Variants in SGCD observed in about 807,000 individuals in gnomAD.
The protein encoded by SGCD is sarcoglycan delta, also known as delta-sarcoglycan.
In SGCD, 18 loss-of-function variants were observed where a neutral mutation model predicts 36.6. That is an observed-to-expected ratio of 0.49 (90% CI 0.34 to 0.73). SGCD has a LOEUF of 0.73. SGCD is among the 30% of genes least tolerant of loss of function. The pLI is 0.01. For missense variants in SGCD, 387 were observed against 346.7 expected, an observed-to-expected ratio of 1.12 and a Z score of -0.92; for synonymous variants, 133 against 130.6, an observed-to-expected ratio of 1.02 and a Z score of -0.12.
At chr5:156,115,097 A>G (rs531634947) in intron 1 of SGCD, among the ~76,000 whole-genome samples, 5 of 152,256 alleles carry the variant, frequency 3.3e-5, no homozygotes, top group Admixed American at 2.6e-4. Flanking sequence ...TGTTTAAACA[A>G]TAAAATATTT....
intron 5 of SGCD, among the ~76,000 whole-genome samples, chr5:156,593,475 A>G (rs1422835538): frequency 3.3e-5 from 5 of 152,048 alleles, no homozygotes; most frequent in African/African-American, 1.2e-4. Flanking sequence ...AAGACCAAAC[A>G]TCCCCCTATC....
intron 1 of SGCD, among the ~76,000 whole-genome samples, chr5:156,022,607 A>T (rs985747347): frequency 3.9e-5 from 6 of 152,182 alleles, no homozygotes; most frequent in African/African-American, 1.2e-4. Context: ...CCAATAATGG[A>T]TATAAATTGG....
At chr5:156,363,618 T>G (rs1167974088) in intron 3 of SGCD, among the ~76,000 whole-genome samples, 1 of 152,226 alleles carries the variant, frequency 6.6e-6, no homozygotes, top group Non-Finnish European at 1.5e-5. Flanking sequence ...ATAACATTAC[T>G]GTAAACTGAG....
At chr5:156,267,096 C>T (rs1273437079) in intron 3 of SGCD, among the ~76,000 whole-genome samples, 1 of 152,174 alleles carries the variant, frequency 6.6e-6, no homozygotes, top group Non-Finnish European at 1.5e-5. Context: ...CTCTCTCAGA[C>T]TCCACTTCCT....
At chr5:156,716,479 G>T (rs964880394) in intron 7 of SGCD, among the ~76,000 whole-genome samples, 2 of 152,206 alleles carry the variant, frequency 1.3e-5, no homozygotes, top group African/African-American at 4.8e-5. Context: ...AGCTGTCTTA[G>T]CTCTGCCTCT....
chr5:156,285,250 A>G (rs1318098106), intron 3 of SGCD, among the ~76,000 whole-genome samples: 1 of 152,214 alleles, frequency 6.6e-6, no homozygotes, highest in East Asian at 1.9e-4. Context: ...CATACTGCCC[A>G]AGGGAATTTA....
rs552579564 is a variant in SGCD at position 156,613,360 on chromosome 5, A to T, written c.502+18309A>T. Among the ~76,000 whole-genome samples the T allele has an allele frequency of 2.6e-5, 4 of 152,374 alleles. No homozygotes were observed. In the South Asian group the frequency reaches 8.3e-4, roughly 32 times the overall value. On this transcript the variant is annotated intron_variant, in intron 6 of 8. Coordinates refer to ENST00000337851, the MANE Select transcript of SGCD (RefSeq NM_000337.6). The stretch of plus-strand genomic sequence containing the variant: ...TTAGAACTTGTAGGAGTATTCATAT[A>T]TCAGGTATGTTTGGACCAATGGATT...
chr5:156,150,742 G>C (rs1762813965), intron 3 of SGCD, among the ~76,000 whole-genome samples: 2 of 151,658 alleles, frequency 1.3e-5, no homozygotes, highest in South Asian at 4.1e-4. Flanking sequence ...AGAGGAGGCA[G>C]TTCTACGCGG....
chr5:155,896,287 C>T (rs368877248), intron 1 of SGCD, among the ~76,000 whole-genome samples: 1 of 151,988 alleles, frequency 6.6e-6, no homozygotes, highest in African/African-American at 2.4e-5. Context: ...ACACTTTAGC[C>T]TTTTAGATTT....
At chr5:155,965,962 T>C (rs1757894038) in intron 1 of SGCD, among the ~76,000 whole-genome samples, 1 of 152,076 alleles carries the variant, frequency 6.6e-6, no homozygotes, top group Admixed American at 6.6e-5. Flanking sequence ...TTGTAGGACT[T>C]GAGGAAAAAA....
intron 1 of SGCD, among the ~76,000 whole-genome samples, chr5:156,101,789 T>C (rs2127596815): frequency 6.6e-6 from 1 of 152,280 alleles, no homozygotes; most frequent in Admixed American, 6.5e-5. Flanking sequence ...GAAAATGTAA[T>C]GGATAATAAA....
intron 3 of SGCD, among the ~76,000 whole-genome samples, chr5:156,455,472 T>G (rs1437481741): frequency 6.6e-6 from 1 of 152,058 alleles, no homozygotes. Context: ...TCACTGTGGC[T>G]TAGTACTCAG....
At chr5:156,242,759 A>T (rs558807108) in intron 3 of SGCD, among the ~76,000 whole-genome samples, 4 of 152,188 alleles carry the variant, frequency 2.6e-5, no homozygotes, top group Non-Finnish European at 5.9e-5. Context: ...AGAATTGAGG[A>T]AGCTGTGGAG....
chr5:155,778,299 G>GA, the SGCD span, among the ~76,000 whole-genome samples: 2 of 151,984 alleles, frequency 1.3e-5, no homozygotes, highest in African/African-American at 4.8e-5. Flanking sequence ...GTTTTTGGTG[G>GA]AAAAAAATGA....
chr5:156,582,840 CAA>C (rs1323842828), intron 4 of SGCD, among the ~76,000 whole-genome samples: 7 of 152,138 alleles, frequency 4.6e-5, no homozygotes, highest in African/African-American at 1.7e-4. Flanking sequence ...CACACACACA[CAA>C]ACACACACAG....
At chr5:155,853,722 T>A in the SGCD span, among the ~76,000 whole-genome samples, 1 of 152,230 alleles carries the variant, frequency 6.6e-6, no homozygotes, top group Non-Finnish European at 1.5e-5. Context: ...AGGCAATATA[T>A]GTCATTATAG....
chr5:155,965,935 G>T (rs1473158478), intron 1 of SGCD, among the ~76,000 whole-genome samples: 1 of 152,008 alleles, frequency 6.6e-6, no homozygotes, highest in Non-Finnish European at 1.5e-5. Context: ...TCTCTTAGCT[G>T]AGTTTAATAA....
At chr5:156,678,428 T>C (rs572717856) in intron 7 of SGCD, among the ~76,000 whole-genome samples, 41 of 152,302 alleles carry the variant, frequency 2.7e-4, no homozygotes, top group Middle Eastern at 6.8e-3. Context: ...CAGTTCAGAT[T>C]CTGTATACTA....
In SGCD at chr5:156,649,839, T is replaced by A. The variant is rs993232457; in HGVS notation, c.575+2303T>A. Among the ~76,000 whole-genome samples, 3 of 152,194 alleles carry A rather than the reference T, an allele frequency of 2.0e-5. No homozygotes were observed. The South Asian group carries it at 6.2e-4, about 32-fold the overall frequency. ...AACAAACCTGCACGTTGTGCACATG[T>A]ACCCTAAAATTTGAAGTATAATAAT... is the stretch of plus-strand genomic sequence containing the variant. On this transcript the variant is annotated intron_variant, in intron 7 of 8. Transcript: ENST00000337851.
Sources: gnomAD v4.1 joint callset for allele counts (sites outside exome capture counted in the v4.1 genomes callset) on GRCh38, gnomAD v4.1.1 for gene constraint, MANE v1.5 for transcripts, NCBI Gene and HGNC (gene_info 2026-07-23, HGNC 2026-07-21) for gene names.